The following LRRC7 variants were observed in gnomAD, a reference collection of about 807,000 sequenced individuals.
LRRC7 encodes the protein leucine rich repeat containing 7.
LRRC7 carries 23 observed loss-of-function variants against 175.7 expected under a neutral mutation model. The ratio of observed to expected loss-of-function variants is 0.13; its 90% CI spans 0.09 to 0.19. The LOEUF (loss-of-function observed/expected upper bound fraction) is 0.19, where lower values mean the gene tolerates loss of function less well. LRRC7 is among the 10% of genes least tolerant of loss of function. The pLI is 1.00. For missense variants in LRRC7, 1,354 were observed against 1,904.7 expected, an observed-to-expected ratio of 0.71 and a Z score of 5.38; for synonymous variants, 685 against 680.9, an observed-to-expected ratio of 1.01 and a Z score of -0.09.
At chr1:70,099,559 A>G (rs940813647) in intron 25 of LRRC7, among the ~76,000 whole-genome samples, 17 of 152,284 alleles carry the variant, frequency 1.1e-4, no homozygotes, top group African/African-American at 3.9e-4. Flanking sequence ...ACATGATTGT[A>G]TATCTTGAAT....
intron 7 of LRRC7, among the ~76,000 whole-genome samples, chr1:69,880,685 A>G (rs1686509303): frequency 6.6e-6 from 1 of 152,186 alleles, no homozygotes; most frequent in Non-Finnish European, 1.5e-5. Context: ...AAGAAAAAGT[A>G]AACAAAATTG....
intron 23 of LRRC7, among the ~76,000 whole-genome samples, chr1:70,060,611 A>G (rs1661506093): frequency 6.6e-6 from 1 of 152,156 alleles, no homozygotes; most frequent in African/African-American, 2.4e-5. Context: ...AAAAAAATAG[A>G]TGGCAGAAAG....
intron 11 of LRRC7, among the ~76,000 whole-genome samples, chr1:70,005,562 T>A (rs12030680): frequency 0.043 from 6,624 of 152,280 alleles, 166 homozygotes; most frequent in South Asian, 0.1. Flanking sequence ...CTGAAGTCAA[T>A]ACAGCTGATT....
chr1:69,760,057 G>A, intron 2 of LRRC7, 134 bp from the exon 3 acceptor site: 1 of 802,640 alleles, frequency 1.2e-6, no homozygotes. Flanking sequence ...GATACAATGC[G>A]TGTGTGTGTC....
chr1:69,681,728 A>T (rs1349696592), intron 2 of LRRC7, among the ~76,000 whole-genome samples: 1 of 152,120 alleles, frequency 6.6e-6, no homozygotes, highest in African/African-American at 2.4e-5. Context: ...GTTTTGATTT[A>T]TCTAAGAGTT....
chr1:69,733,312 C>T (rs1376459623), intron 2 of LRRC7, among the ~76,000 whole-genome samples: 1 of 151,930 alleles, frequency 6.6e-6, no homozygotes, highest in Non-Finnish European at 1.5e-5. Context: ...ATAATTGGTC[C>T]TTGTTCCACT....
chr1:70,101,298 T>C (rs12748551), intron 25 of LRRC7, among the ~76,000 whole-genome samples: 19,767 of 152,178 alleles, frequency 0.13, 1,594 homozygotes, highest in Non-Finnish European at 0.18. Flanking sequence ...ATTGTAATTG[T>C]ATATAATTTT....
rs1465447309 is a variant in LRRC7, at chr1:70,139,543, G to GT, written c.*17661dup. The GT allele has an allele frequency of 6.6e-6, 1 of 152,178 alleles. No individual in the cohort carries two copies. Among genetic ancestry groups the GT allele is most frequent in the East Asian group, 1.9e-4 (1 of 5,192 alleles). The allele number at this position is 152,178 out of a possible 1,614,324, so 9.4% of individuals were successfully genotyped here. A position where few individuals can be genotyped will look rare whatever the true frequency, so the allele number is the denominator to read the frequency against. On this transcript the variant is annotated 3_prime_UTR_variant, in exon 27 of 27. Coordinates refer to ENST00000651989, the MANE Select transcript of LRRC7 (RefSeq NM_001370785.2). ...TACCCATTGCCCAGGTGGACGTTAT[G>GT]TTTTTAGTTTTTCCTTTGTGGGTGA...
intron 7 of LRRC7, among the ~76,000 whole-genome samples, chr1:69,917,484 G>A (rs549174472): frequency 6.6e-6 from 1 of 152,072 alleles, no homozygotes; most frequent in Admixed American, 6.6e-5. Context: ...AGCATAAGGA[G>A]GTAACAAATG....
At chr1:69,943,792 G>A (rs957740502) in intron 8 of LRRC7, among the ~76,000 whole-genome samples, 2 of 152,018 alleles carry the variant, frequency 1.3e-5, no homozygotes, top group Non-Finnish European at 2.9e-5. Flanking sequence ...AACAGGATTT[G>A]TTGACAGATC....
chr1:69,707,041 T>A (rs1396153472), intron 2 of LRRC7, among the ~76,000 whole-genome samples: 1 of 152,068 alleles, frequency 6.6e-6, no homozygotes, highest in Non-Finnish European at 1.5e-5. Context: ...GAAACAAGTT[T>A]TAGAGTGTGG....
At chr1:69,812,464 A>C (rs1385130412) in intron 4 of LRRC7, among the ~76,000 whole-genome samples, 1 of 152,116 alleles carries the variant, frequency 6.6e-6, no homozygotes, top group Non-Finnish European at 1.5e-5. Flanking sequence ...AAGAATAGAA[A>C]GAACCCTCTG....
chr1:69,683,013 G>A (rs778571082), intron 2 of LRRC7, among the ~76,000 whole-genome samples: 8 of 152,038 alleles, frequency 5.3e-5, no homozygotes, highest in Admixed American at 2.0e-4. Flanking sequence ...TAGACCAAAC[G>A]TCTCTCTGTT....
In LRRC7 at chr1:69,604,042, T is replaced by C. The variant is rs187269229; in HGVS notation, c.2+35401T>C. On this transcript the variant is annotated intron_variant, in intron 1 of 26. Transcript: ENST00000651989. Reference sequence around the variant, plus strand: ...TATCAAATTTATAAAATTGCTTTTTTTTACCTTATCAAACTCTTGAATATT... The same window carrying C: ...TATCAAATTTATAAAATTGCTTTTTCTTACCTTATCAAACTCTTGAATATT... 2.3e-4 allele frequency among the ~76,000 whole-genome samples: 35 copies of C among 152,270 alleles called. No homozygotes were observed. The East Asian group carries it at 6.2e-3, about 27-fold the overall frequency.
chr1:69,876,551 C>A (rs538248624), intron 7 of LRRC7, among the ~76,000 whole-genome samples: 1 of 152,126 alleles, frequency 6.6e-6, no homozygotes, highest in Non-Finnish European at 1.5e-5. Flanking sequence ...GTGGAAACTA[C>A]GTCTTGCTCA....
intron 2 of LRRC7, among the ~76,000 whole-genome samples, chr1:69,744,209 A>C (rs1404030637): frequency 6.6e-6 from 1 of 151,892 alleles, no homozygotes; most frequent in Non-Finnish European, 1.5e-5. Flanking sequence ...ACTTATTTCC[A>C]AGTGCCAATC....
chr1:69,732,226 A>G (rs1284236293), intron 2 of LRRC7, among the ~76,000 whole-genome samples: 1 of 152,080 alleles, frequency 6.6e-6, no homozygotes, highest in Non-Finnish European at 1.5e-5. Flanking sequence ...AAAGCTAAAT[A>G]TTTTTTTAAA....
chr1:69,675,064 C>T (rs1305619303), intron 1 of LRRC7, among the ~76,000 whole-genome samples: 1 of 152,100 alleles, frequency 6.6e-6, no homozygotes, highest in Non-Finnish European at 1.5e-5. Context: ...GTAACTTTAC[C>T]TAAAATCATC....
chr1:70,054,799 C>G (rs1260610393), intron 23 of LRRC7, among the ~76,000 whole-genome samples: 1 of 151,424 alleles, frequency 6.6e-6, no homozygotes, highest in Non-Finnish European at 1.5e-5. Context: ...ACCGTGTTAG[C>G]CAGGATGGTG....
Sources: allele counts gnomAD v4.1 joint callset (sites outside exome capture counted in the v4.1 genomes callset), GRCh38; gene constraint gnomAD v4.1.1; transcripts MANE v1.5; gene names NCBI Gene and HGNC (gene_info 2026-07-23, HGNC 2026-07-21).